Variants in SRPK1 observed in about 807,000 individuals in gnomAD.
SRPK1 encodes the protein SFRS protein kinase 1.
A neutral mutation model predicts 89.5 loss-of-function variants in SRPK1; 52 were observed. The observed-to-expected ratio is 0.58, with a 90% CI of 0.46 to 0.73. The LOEUF (loss-of-function observed/expected upper bound fraction) is 0.73, where lower values mean the gene tolerates loss of function less well. SRPK1 is among the 30% of genes least tolerant of loss of function. The pLI, the probability that SRPK1 is intolerant of heterozygous loss-of-function variation, is 0.00. For missense variants in SRPK1, 603 were observed against 780.6 expected (o/e 0.77, Z 2.71); for synonymous variants, 255 against 270.2 (o/e 0.94, Z 0.55).
intron 8 of SRPK1, among the ~76,000 whole-genome samples, chr6:35,872,267 G>A (rs1405586634): frequency 6.6e-6 from 1 of 152,140 alleles, no homozygotes. Flanking sequence ...TCCTATAAAT[G>A]AGCATGTGTG....
intron 5 of SRPK1, among the ~76,000 whole-genome samples, chr6:35,887,104 G>T (rs1770426029): frequency 6.6e-6 from 1 of 152,132 alleles, no homozygotes; most frequent in Non-Finnish European, 1.5e-5. Flanking sequence ...GAGGAACTAA[G>T]AAGATTTTGC....
chr6:35,865,259 T>A (rs1299267184), intron 12 of SRPK1, among the ~76,000 whole-genome samples: 1 of 152,146 alleles, frequency 6.6e-6, no homozygotes, highest in Non-Finnish European at 1.5e-5. Flanking sequence ...ATGTGATTAT[T>A]TCACATTGCA....
In SRPK1 at chr6:35,842,544, G is replaced by A; in HGVS notation, c.1681C>T (p.Arg561Ter). 4 of 1,611,064 alleles carry A rather than the reference G, an allele frequency of 2.5e-6. No individual in the cohort carries two copies. The highest frequency in any genetic ancestry group is 3.4e-6 in the Non-Finnish European group (4 of 1,178,712). Residue 561 changes from arginine to a stop codon, truncating the protein, a stop_gained, in exon 14 of 16, where the codon CGA becomes TGA. Coordinates refer to ENST00000373825, the MANE Select transcript of SRPK1 (RefSeq NM_003137.5). LOFTEE classifies it high-confidence loss of function. ...FEPHSGEEYT[R>*]DEDHIALIIE... ...GGTTAAGGGGACTCACCTTCATCTC[G>A]AGTGTACTCTTCCCCTGAATGAGGT... is the stretch of plus-strand genomic sequence containing the variant.
At chr6:35,888,272 A>G (rs1236143891) in intron 4 of SRPK1, among the ~76,000 whole-genome samples, 161 bp from the exon 5 acceptor site, 1 of 152,216 alleles carries the variant, frequency 6.6e-6, no homozygotes, top group Non-Finnish European at 1.5e-5. Context: ...TGTTAATGAC[A>G]CTAACTGGCC....
intron 12 of SRPK1, among the ~76,000 whole-genome samples, chr6:35,859,921 C>T (rs1197622242): frequency 6.7e-6 from 1 of 150,100 alleles, no homozygotes; most frequent in African/African-American, 2.5e-5. Context: ...TGCAGTGGTG[C>T]GATCTTGGCT....
In SRPK1 at chr6:35,880,662, G is replaced by A. The variant is rs111496041; in HGVS notation, c.478+6062C>T. Among the ~76,000 whole-genome samples the A allele has an allele frequency of 4.5e-3, 635 of 140,704 alleles. 5 individuals carry two copies. Among genetic ancestry groups the A allele is most frequent in the Middle Eastern group, 0.015 (4 of 274 alleles). The allele number at this position is 140,704 out of a possible 152,430, so 92.3% of individuals were successfully genotyped here. Reference sequence around the variant, plus strand: ...GCTTGAACCCGGGAGGCAGATTGCAGTGAGCGGAGATTGCACCACTGCACT... The same window carrying A: ...GCTTGAACCCGGGAGGCAGATTGCAATGAGCGGAGATTGCACCACTGCACT... On this transcript the variant is annotated intron_variant, in intron 6 of 15. Transcript: ENST00000373825.
At chr6:35,881,155 G>A (rs559756383) in intron 6 of SRPK1, among the ~76,000 whole-genome samples, 2 of 152,214 alleles carry the variant, frequency 1.3e-5, no homozygotes, top group South Asian at 2.1e-4. Context: ...GAAGCTGAAC[G>A]AGTTCATTAC....
At position 35,833,237 on chromosome 6, in the gene SRPK1, G is replaced by A. The variant is rs1409623859; in HGVS notation, c.*2067C>T. The A allele has an allele frequency of 6.6e-6, 1 of 152,614 alleles. No homozygotes were observed. The highest frequency in any genetic ancestry group is 1.5e-5 in the Non-Finnish European group (1 of 68,030). The allele number at this position is 152,614 out of a possible 1,614,324, so 9.5% of individuals were successfully genotyped here. ...GGTACCTGGAAGATCAAGATCTACAGCTGCCTATTTCCACATCTTTCAATC... is the reference window on the plus strand; with the variant it reads ...GGTACCTGGAAGATCAAGATCTACAACTGCCTATTTCCACATCTTTCAATC... On this transcript the variant is annotated 3_prime_UTR_variant, in exon 16 of 16. Coordinates refer to ENST00000373825, the MANE Select transcript of SRPK1 (RefSeq NM_003137.5).
At chr6:35,848,001 G>A (rs1769461370) in intron 13 of SRPK1, among the ~76,000 whole-genome samples, 1 of 151,734 alleles carries the variant, frequency 6.6e-6, no homozygotes, top group Non-Finnish European at 1.5e-5. Flanking sequence ...TATTTGTAGA[G>A]ATGGGATTTT....
chr6:35,914,918 C>G (rs971786492), intron 2 of SRPK1, among the ~76,000 whole-genome samples: 2 of 152,122 alleles, frequency 1.3e-5, no homozygotes, highest in Non-Finnish European at 2.9e-5. Context: ...CCTGCCTCAG[C>G]CTCCTGTGTG....
intron 6 of SRPK1, among the ~76,000 whole-genome samples, chr6:35,878,534 A>G (rs1298960528): frequency 1.3e-5 from 2 of 152,172 alleles, no homozygotes; most frequent in Admixed American, 6.5e-5. Flanking sequence ...AATGTTGGTC[A>G]ATTTCAGCTC....
At chr6:35,882,104 T>C (rs981080886) in intron 6 of SRPK1, among the ~76,000 whole-genome samples, 1 of 134,348 alleles carries the variant, frequency 7.4e-6, no homozygotes, top group Non-Finnish European at 1.6e-5. Flanking sequence ...GTAGTAGCAA[T>C]AGTAGTAGTA....
chr6:35,867,501 A>C (rs1404697392), intron 12 of SRPK1, among the ~76,000 whole-genome samples: 6 of 152,152 alleles, frequency 3.9e-5, no homozygotes, highest in Admixed American at 3.9e-4. Context: ...TTCTATTATA[A>C]ATTTTAAAAA....
intron 14 of SRPK1, chr6:35,838,804 A>G (rs775621303): frequency 7.3e-7 from 1 of 1,371,768 alleles, no homozygotes; most frequent in Non-Finnish European, 9.7e-7. Context: ...GTGGTCTAAA[A>G]TAGAAGGGTA....
At chr6:35,880,742 A>AAAAAAAAAAAAAAAAGAAAGAAAG in intron 6 of SRPK1, among the ~76,000 whole-genome samples, 8 of 28,188 alleles carry the variant, frequency 2.8e-4, no homozygotes, top group East Asian at 1.0e-3. Context: ...AAAGAAAAAA[A>AAAAAAAAAAAAAAAAGAAAGAAAG]AAAAAAAAGA....
chr6:35,847,699 C>T (rs749514939), intron 13 of SRPK1, among the ~76,000 whole-genome samples: 7 of 151,934 alleles, frequency 4.6e-5, no homozygotes, highest in Admixed American at 6.6e-5. Flanking sequence ...AAAAAAAATA[C>T]TTAGAAACAT....
At chr6:35,850,053 G>A (rs1769520371) in intron 13 of SRPK1, among the ~76,000 whole-genome samples, 1 of 152,056 alleles carries the variant, frequency 6.6e-6, no homozygotes, top group Non-Finnish European at 1.5e-5. Context: ...TACAGAGACT[G>A]GGGGGTGAAG....
In SRPK1 at chr6:35,882,118, C is replaced by G. The variant is rs202182593; in HGVS notation, c.478+4606G>C. ...AGTAGTAGCAATAGTAGTAGTAGTA[C>G]TAGTAGTAGTAGTAGTAGTAGTAGT... On this transcript the variant is annotated intron_variant, in intron 6 of 15. Coordinates refer to ENST00000373825, the MANE Select transcript of SRPK1 (RefSeq NM_003137.5). 1.7e-4 allele frequency among the ~76,000 whole-genome samples: 24 copies of G among 140,168 alleles called. No individual in the cohort carries two copies. The East Asian group carries it at 2.7e-3, about 16-fold the overall frequency. 92.0% of individuals were successfully genotyped at this position (140,168 alleles called of 152,430 possible).
chr6:35,895,435 TTGTG>T (rs10566123), intron 2 of SRPK1, among the ~76,000 whole-genome samples: 37,404 of 146,964 alleles, frequency 0.25, 4,937 homozygotes, highest in South Asian at 0.4. Flanking sequence ...AGGCATATGC[TTGTG>T]TGTGTGTGTG....
Sources: gnomAD v4.1 joint callset for allele counts (sites outside exome capture counted in the v4.1 genomes callset) on GRCh38, gnomAD v4.1.1 for gene constraint, MANE v1.5 for transcripts, NCBI Gene and HGNC (gene_info 2026-07-23, HGNC 2026-07-21) for gene names.